NEDD9: variants seen among roughly 807,000 people sequenced by gnomAD.
NEDD9 encodes the protein enhancer of filamentation 1.
In NEDD9, 26 loss-of-function variants were observed where a neutral mutation model predicts 76.6. The observed-to-expected ratio is 0.34, with a 90% CI of 0.25 to 0.47. The LOEUF is 0.47. NEDD9 is among the 20% of genes least tolerant of loss of function. The pLI is 1.00. For synonymous variants in NEDD9, 392 were observed against 414.2 expected (o/e 0.95, Z 0.65); for missense variants, 937 against 1,058.5 (o/e 0.89, Z 1.59).
Position 11,185,630 on chromosome 6 carries a change from G to C in NEDD9, c.2037C>G (p.Pro679=). ...FQLLEQEITK[P]VENDISKWKP... ...TCCACTTCGAGATGTCATTCTCCAC[G>C]GGCTTTGTAATCTCTTGTTCCAACA... The change falls in exon 7 of 7, where the codon CCC becomes CCG. Residue 679 remains proline, a synonymous_variant. Coordinates refer to ENST00000379446, the MANE Select transcript of NEDD9 (RefSeq NM_006403.4). The C allele has an allele frequency of 1.2e-6, 2 of 1,614,180 alleles. No homozygotes were observed. Among genetic ancestry groups the C allele is most frequent in the Non-Finnish European group, 1.7e-6 (2 of 1,180,034 alleles).
intron 1 of NEDD9, among the ~76,000 whole-genome samples, chr6:11,371,987 C>A (rs542901871): frequency 2.4e-4 from 36 of 152,288 alleles, no homozygotes; most frequent in African/African-American, 8.2e-4. Context: ...TACAAACAAT[C>A]CAATTACAAT....
intron 2 of NEDD9, among the ~76,000 whole-genome samples, chr6:11,207,282 A>G (rs1043780480): frequency 6.6e-6 from 1 of 152,236 alleles, no homozygotes; most frequent in Non-Finnish European, 1.5e-5. Flanking sequence ...ACCAGATTGC[A>G]CAATGCCTCA....
At chr6:11,365,903 A>G (rs1762755167) in intron 1 of NEDD9, among the ~76,000 whole-genome samples, 1 of 152,126 alleles carries the variant, frequency 6.6e-6, no homozygotes, top group Non-Finnish European at 1.5e-5. Flanking sequence ...AGGCTGGAGA[A>G]TCACTTGAGC....
chr6:11,299,638 C>T (rs553601582), intron 3 of NEDD9, among the ~76,000 whole-genome samples: 2 of 152,200 alleles, frequency 1.3e-5, no homozygotes, highest in South Asian at 4.1e-4. Context: ...TGAGTGCCCC[C>T]CTGGGACGAA....
chr6:11,326,184 C>T (rs1039236038), intron 2 of NEDD9, among the ~76,000 whole-genome samples: 6 of 150,234 alleles, frequency 4.0e-5, no homozygotes, highest in African/African-American at 1.5e-4. Context: ...ACAAAAAAAA[C>T]CCCAAGTTTC....
intron 3 of NEDD9, among the ~76,000 whole-genome samples, chr6:11,270,436 G>A (rs537924675): frequency 3.3e-5 from 5 of 149,286 alleles, no homozygotes; most frequent in Non-Finnish European, 7.4e-5. Context: ...TCTTGCCCCC[G>A]GCTTTTCCTA....
intron 1 of NEDD9, among the ~76,000 whole-genome samples, chr6:11,371,597 A>C (rs1762876262): frequency 6.6e-6 from 1 of 152,208 alleles, no homozygotes. Flanking sequence ...TTTTTGTTTT[A>C]CAAACGTATT....
intron 1 of NEDD9, among the ~76,000 whole-genome samples, chr6:11,221,622 C>T (rs76410378): frequency 0.053 from 8,110 of 152,170 alleles, 288 homozygotes; most frequent in South Asian, 0.12. Context: ...TTTTCCCCAC[C>T]GGACAAGGAT....
At chr6:11,189,838 A>G (rs1165424238) in intron 5 of NEDD9, 126 bp downstream of exon 5, 2 of 1,227,536 alleles carry the variant, frequency 1.6e-6, no homozygotes, top group Non-Finnish European at 2.2e-6. Flanking sequence ...CAATTTGTGA[A>G]CCATGTAGAT....
chr6:11,332,272 C>T lies in NEDD9; in HGVS notation c.-153+2229G>A, dbSNP rs112625140. Among the ~76,000 whole-genome samples, 277 of 152,290 alleles carry T rather than the reference C, an allele frequency of 1.8e-3. 1 individual carries two copies. The highest frequency in any genetic ancestry group is 6.3e-3 in the African/African-American group (263 of 41,564). ...CTGCCAGGTTTGTTTTCCAATGAAA[C>T]TTTCAACTGTCAGCTTAATAAGACT... On this transcript the variant is annotated intron_variant, in intron 2 of 3. Coordinates refer to the NEDD9 transcript ENST00000397378.
chr6:11,255,618 G>A (rs1015237865), intron 3 of NEDD9, among the ~76,000 whole-genome samples: 1 of 152,120 alleles, frequency 6.6e-6, no homozygotes, highest in Non-Finnish European at 1.5e-5. Flanking sequence ...CAAGCTTGGC[G>A]CATGGTGGGA....
At position 11,185,543 on chromosome 6, in the gene NEDD9, C is replaced by G; in HGVS notation, c.2124G>C (p.Leu708=). 2 of 1,614,188 alleles carry G rather than the reference C, an allele frequency of 1.2e-6. No homozygotes were observed. The highest frequency in any genetic ancestry group is 1.7e-6 in the Non-Finnish European group (2 of 1,180,032). The change falls in exon 7 of 7, where the codon CTG becomes CTC. Residue 708 remains leucine (L), a synonymous_variant. Transcript: ENST00000379446. ...TCTCACATTGGTCATAGTAGAAGCACAGCAACTGCCGATCCTGAGCACTCA... is the reference window on the plus strand; with the variant it reads ...TCTCACATTGGTCATAGTAGAAGCAGAGCAACTGCCGATCCTGAGCACTCA... The part of the protein sequence containing the change: ...SGVSAQDRQL[L]CFYYDQCETH...
chr6:11,346,842 T>C (rs1041438094), intron 1 of NEDD9, among the ~76,000 whole-genome samples: 2 of 152,174 alleles, frequency 1.3e-5, no homozygotes, highest in Non-Finnish European at 2.9e-5. Context: ...CTTTTCTCTG[T>C]GGGAGCTCAT....
chr6:11,304,202 GA>G (rs1489013265), intron 3 of NEDD9, among the ~76,000 whole-genome samples: 1 of 152,102 alleles, frequency 6.6e-6, no homozygotes, highest in Non-Finnish European at 1.5e-5. Context: ...ACAGACATAT[GA>G]AAAAATGCTC....
Position 11,184,873 on chromosome 6 carries a change from TACAA to T in NEDD9, c.*285_*288del. 7.6e-6 allele frequency: 2 copies of T among 262,644 alleles called. No individual in the cohort carries two copies. The highest frequency in any genetic ancestry group is 1.4e-5 in the Non-Finnish European group (2 of 138,600). 16.3% of individuals were successfully genotyped at this position (262,644 alleles called of 1,614,324 possible). A position where few individuals can be genotyped will look rare whatever the true frequency, so the allele number is the denominator to read the frequency against. On this transcript the variant is annotated 3_prime_UTR_variant, in exon 7 of 7. Coordinates refer to ENST00000379446, the MANE Select transcript of NEDD9 (RefSeq NM_006403.4). ...TAATGAAATGCATCAGACAAACATCTACAAACAAACATGAATACATGGGCATACA... is the reference window on the plus strand; with the variant it reads ...TAATGAAATGCATCAGACAAACATCTACAAACATGAATACATGGGCATACA...
intron 1 of NEDD9, among the ~76,000 whole-genome samples, chr6:11,226,862 T>C (rs1472467471): frequency 6.6e-6 from 1 of 152,258 alleles, no homozygotes. Context: ...CCTATAACTA[T>C]CTGACAAGAC....
At chr6:11,243,973 C>T (rs1321395427) in intron 3 of NEDD9, among the ~76,000 whole-genome samples, 5 of 152,150 alleles carry the variant, frequency 3.3e-5, no homozygotes, top group Non-Finnish European at 4.4e-5. Flanking sequence ...CTAGTCTAGA[C>T]GTTGCTGTGA....
At chr6:11,313,576 A>G (rs1250235209) in intron 2 of NEDD9, among the ~76,000 whole-genome samples, 2 of 146,624 alleles carry the variant, frequency 1.4e-5, no homozygotes, top group Non-Finnish European at 3.1e-5. Context: ...AGATGAATAG[A>G]TGGATGGGTG....
chr6:11,355,948 C>T (rs1453399179), intron 1 of NEDD9, among the ~76,000 whole-genome samples: 1 of 152,136 alleles, frequency 6.6e-6, no homozygotes, highest in Admixed American at 6.5e-5. Flanking sequence ...GTCTCGATCT[C>T]CTGACCTCGT....
Sources: gnomAD v4.1 joint callset for allele counts (sites outside exome capture counted in the v4.1 genomes callset) on GRCh38, gnomAD v4.1.1 for gene constraint, MANE v1.5 for transcripts, NCBI Gene and HGNC (gene_info 2026-07-23, HGNC 2026-07-21) for gene names.